Variants in DPP10 observed in about 807,000 individuals in gnomAD.
DPP10 encodes inactive dipeptidyl peptidase 10.
A neutral mutation model predicts 120.9 loss-of-function variants in DPP10; 33 were observed. The observed-to-expected ratio is 0.27, with a 90% confidence interval of 0.21 to 0.37. The LOEUF (loss-of-function observed/expected upper bound fraction) is 0.37. DPP10 is among the 10% of genes least tolerant of loss of function. The pLI is 1.00. For synonymous variants in DPP10, 337 were observed against 326.1 expected (o/e 1.03, Z -0.36); for missense variants, 816 against 942.8 (o/e 0.87, Z 1.76).
chr2:115,353,322 G>A (rs772885927), intron 3 of DPP10, among the ~76,000 whole-genome samples: 1 of 152,114 alleles, frequency 6.6e-6, no homozygotes, highest in East Asian at 1.9e-4. Context: ...TAACGGTAAG[G>A]AAAATGCTGT....
intron 1 of DPP10, among the ~76,000 whole-genome samples, chr2:114,911,192 C>T (rs1376064504): frequency 1.3e-5 from 2 of 152,046 alleles, no homozygotes. Flanking sequence ...TTTATGTTCT[C>T]TTATTTTTTT....
At chr2:115,455,750 A>G (rs910254524) in intron 3 of DPP10, among the ~76,000 whole-genome samples, 40 of 152,170 alleles carry the variant, frequency 2.6e-4, no homozygotes, top group Non-Finnish European at 1.5e-4. Context: ...GTGTTGGGAA[A>G]ACTGTCTAGC....
intron 13 of DPP10, among the ~76,000 whole-genome samples, chr2:115,769,990 T>G (rs1309430014): frequency 1.3e-5 from 2 of 152,070 alleles, no homozygotes; most frequent in African/African-American, 2.4e-5. Context: ...TACCTACAAA[T>G]TATAGATATT....
intron 1 of DPP10, among the ~76,000 whole-genome samples, chr2:114,902,992 CTT>C (rs1254258324): frequency 1.3e-5 from 2 of 152,162 alleles, no homozygotes; most frequent in Non-Finnish European, 2.9e-5. Context: ...AACCACTAAT[CTT>C]TTTATTATCT....
At chr2:114,748,650 G>A (rs1371797462) in intron 1 of DPP10, among the ~76,000 whole-genome samples, 16 of 74,490 alleles carry the variant, frequency 2.1e-4, no homozygotes, top group African/African-American at 7.9e-4. Flanking sequence ...GAGAATATGC[G>A]GTGTTTGGTT....
intron 7 of DPP10, among the ~76,000 whole-genome samples, chr2:115,716,071 A>G (rs2092483963): frequency 2.0e-5 from 3 of 152,136 alleles, no homozygotes; most frequent in African/African-American, 4.8e-5. Context: ...TAAACCATAT[A>G]CTTTGCTGGT....
intron 5 of DPP10, among the ~76,000 whole-genome samples, chr2:115,602,430 A>G (rs975989778): frequency 6.6e-6 from 1 of 152,210 alleles, no homozygotes; most frequent in Non-Finnish European, 1.5e-5. Context: ...TTTCAACGCC[A>G]TATTTTCTAT....
chr2:115,822,389 C>T (rs559581416), intron 21 of DPP10, among the ~76,000 whole-genome samples: 15 of 151,872 alleles, frequency 9.9e-5, no homozygotes, highest in Non-Finnish European at 1.9e-4. Flanking sequence ...GTAGTTCTTC[C>T]ATCTTGTTCT....
chr2:114,799,604 G>T (rs766827412), intron 1 of DPP10, among the ~76,000 whole-genome samples: 15 of 152,126 alleles, frequency 9.9e-5, no homozygotes, highest in Non-Finnish European at 1.3e-4. Flanking sequence ...TTATGGAAAG[G>T]GGGTACTCAT....
At chr2:114,912,926 C>G (rs144341658) in intron 1 of DPP10, among the ~76,000 whole-genome samples, 2,844 of 152,256 alleles carry the variant, frequency 0.019, 46 homozygotes, top group Middle Eastern at 0.054. Flanking sequence ...ACCTTAGGAT[C>G]CCATCCTCCA....
rs1167734088 is a variant in DPP10, at chr2:115,303,317, C to T, written c.61-5922C>T. On this transcript the variant is annotated intron_variant, in intron 1 of 25. Transcript: ENST00000410059. Reference sequence around the variant, plus strand: ...AGATTTTGCCTTCTTCTTTTGGAAACTCCTTGAAAGTTATCTCAGTTCCTT... The same window carrying T: ...AGATTTTGCCTTCTTCTTTTGGAAATTCCTTGAAAGTTATCTCAGTTCCTT... Among the ~76,000 whole-genome samples the T allele has an allele frequency of 2.0e-5, 3 of 151,888 alleles. No homozygotes were observed. In the East Asian group the frequency reaches 5.8e-4, roughly 29 times the overall value.
At chr2:114,443,159 A>G (rs1193860031) in intron 1 of DPP10, among the ~76,000 whole-genome samples, 2 of 152,142 alleles carry the variant, frequency 1.3e-5, no homozygotes, top group African/African-American at 4.8e-5. Context: ...AGAACTGGGG[A>G]AGAATTTGCA....
intron 1 of DPP10, among the ~76,000 whole-genome samples, chr2:115,003,149 G>A (rs1431413842): frequency 2.7e-5 from 4 of 148,102 alleles, no homozygotes; most frequent in Non-Finnish European, 5.9e-5. Flanking sequence ...AAGAAAATGT[G>A]GTACACATAC....
At chr2:114,909,066 C>T (rs958139754) in intron 1 of DPP10, among the ~76,000 whole-genome samples, 2 of 151,386 alleles carry the variant, frequency 1.3e-5, no homozygotes, top group African/African-American at 4.8e-5. Flanking sequence ...ATATTTATTC[C>T]ATCTAAGTTT....
At chr2:114,863,619 G>A (rs888218690) in intron 1 of DPP10, among the ~76,000 whole-genome samples, 2 of 152,126 alleles carry the variant, frequency 1.3e-5, no homozygotes, top group Admixed American at 6.5e-5. Context: ...CAGAAGCCAC[G>A]AAGCACCAAA....
intron 5 of DPP10, among the ~76,000 whole-genome samples, chr2:115,628,275 T>C (rs2085531048): frequency 6.6e-6 from 1 of 152,206 alleles, no homozygotes; most frequent in Admixed American, 6.5e-5. Flanking sequence ...ATCAGTGATG[T>C]TGAGCTTTTT....
intron 1 of DPP10, among the ~76,000 whole-genome samples, chr2:115,129,619 A>C (rs554207510): frequency 6.6e-6 from 1 of 152,238 alleles, no homozygotes; most frequent in South Asian, 2.1e-4. Context: ...TTGCCATGCC[A>C]AACCATCACG....
At chr2:115,414,193 T>A (rs1034410705) in intron 3 of DPP10, among the ~76,000 whole-genome samples, 2 of 152,192 alleles carry the variant, frequency 1.3e-5, no homozygotes, top group African/African-American at 2.4e-5. Flanking sequence ...TATTTGAAAC[T>A]TAAACAGGCT....
At chr2:115,516,233 A>C (rs567160149) in intron 4 of DPP10, among the ~76,000 whole-genome samples, 40 of 152,262 alleles carry the variant, frequency 2.6e-4, no homozygotes, top group African/African-American at 7.5e-4. Flanking sequence ...GATTTTGCTC[A>C]AGACATTGAA....
Sources: gnomAD v4.1 joint callset for allele counts (sites outside exome capture counted in the v4.1 genomes callset) on GRCh38, gnomAD v4.1.1 for gene constraint, MANE v1.5 for transcripts, NCBI Gene and HGNC (gene_info 2026-07-23, HGNC 2026-07-21) for gene names.